ABTB2: variants seen among roughly 807,000 people sequenced by gnomAD.
The protein encoded by ABTB2 is ankyrin repeat and BTB/POZ domain-containing protein 2.
In ABTB2, 56 loss-of-function variants were observed where a neutral mutation model predicts 104.1. The observed-to-expected ratio is 0.54, with a 90% CI of 0.43 to 0.67. The LOEUF (loss-of-function observed/expected upper bound fraction) is 0.67, where lower values mean the gene tolerates loss of function less well. Ranked by LOEUF, ABTB2 falls within the 30% of genes least tolerant of loss-of-function variation. The pLI is 0.00. For synonymous variants in ABTB2, 606 were observed against 608.2 expected, an observed-to-expected ratio of 1.00 and a Z score of 0.05; for missense variants, 1,279 against 1,407.7, an observed-to-expected ratio of 0.91 and a Z score of 1.46.
chr11:34,230,241 C>T (rs771308983), intron 1 of ABTB2, among the ~76,000 whole-genome samples: 12 of 152,182 alleles, frequency 7.9e-5, no homozygotes, highest in Non-Finnish European at 1.5e-4. Flanking sequence ...TCCTTGCCTG[C>T]ACTAACATCC....
chr11:34,298,509 C>A (rs1854655559), intron 1 of ABTB2, among the ~76,000 whole-genome samples: 1 of 151,490 alleles, frequency 6.6e-6, no homozygotes, highest in African/African-American at 2.4e-5. Context: ...GTTGCCCAGG[C>A]TGGTGTGCAG....
chr11:34,301,945 C>T (rs1398356458), intron 1 of ABTB2, among the ~76,000 whole-genome samples: 1 of 152,174 alleles, frequency 6.6e-6, no homozygotes, highest in Non-Finnish European at 1.5e-5. Context: ...CAAGATGGTG[C>T]CACTGCACTC....
rs559303029 is a variant in ABTB2 at position 34,273,909 on chromosome 11, T to A, written c.884-69219A>T. On this transcript the variant is annotated intron_variant, in intron 1 of 16. Transcript: ENST00000435224. ...GGCTCACGCCTGTAATCCCAGCACT[T>A]TGGGAGGCCGAGGCGGGTGGATCAT... 2.6e-5 allele frequency among the ~76,000 whole-genome samples: 4 copies of A among 151,798 alleles called. No individual in the cohort carries two copies. In the East Asian group the frequency reaches 7.8e-4, roughly 29 times the overall value.
intron 1 of ABTB2, among the ~76,000 whole-genome samples, chr11:34,281,969 TA>T (rs1854453272): frequency 6.6e-6 from 1 of 152,206 alleles, no homozygotes; most frequent in African/African-American, 2.4e-5. Flanking sequence ...ATAAGTCCAT[TA>T]TATATGTCTT....
At chr11:34,257,212 A>T (rs1473416592) in intron 1 of ABTB2, among the ~76,000 whole-genome samples, 1 of 152,196 alleles carries the variant, frequency 6.6e-6, no homozygotes, top group African/African-American at 2.4e-5. Context: ...GTCCATTCAG[A>T]ACACCATGGT....
intron 1 of ABTB2, among the ~76,000 whole-genome samples, chr11:34,271,444 A>G (rs1262274380): frequency 2.0e-5 from 3 of 152,100 alleles, no homozygotes; most frequent in Non-Finnish European, 4.4e-5. Flanking sequence ...CATATGCTAA[A>G]TACATACAAC....
intron 1 of ABTB2, among the ~76,000 whole-genome samples, chr11:34,292,442 T>C (rs964226367): frequency 3.9e-5 from 6 of 152,160 alleles, no homozygotes; most frequent in South Asian, 4.1e-4. Context: ...TCACAGACCA[T>C]GTGAAGGCTG....
intron 14 of ABTB2, among the ~76,000 whole-genome samples, chr11:34,155,881 G>A (rs1852618598): frequency 6.6e-6 from 1 of 152,232 alleles, no homozygotes; most frequent in South Asian, 2.1e-4. Context: ...GTGTGCCTTG[G>A]GCAGGCCATG....
intron 1 of ABTB2, among the ~76,000 whole-genome samples, chr11:34,246,778 T>C (rs904105575): frequency 2.0e-5 from 3 of 151,850 alleles, no homozygotes; most frequent in African/African-American, 4.8e-5. Context: ...TTTCTTTGTA[T>C]TGAGCCTCAG....
intron 14 of ABTB2, among the ~76,000 whole-genome samples, chr11:34,156,964 C>G (rs1485618991): frequency 6.6e-6 from 1 of 152,192 alleles, no homozygotes; most frequent in African/African-American, 2.4e-5. Flanking sequence ...GTATGCCTCA[C>G]ACTGTATCCG....
chr11:34,244,837 G>A (rs1565150153), intron 1 of ABTB2, among the ~76,000 whole-genome samples: 1 of 152,010 alleles, frequency 6.6e-6, no homozygotes, highest in Admixed American at 6.6e-5. Flanking sequence ...GCAAAACCAC[G>A]TCTCTACCAA....
intron 8 of ABTB2, 79 bp downstream of exon 8, chr11:34,165,181 A>G: frequency 7.6e-7 from 1 of 1,318,988 alleles, no homozygotes; most frequent in Middle Eastern, 2.1e-4. Context: ...AGACCCCTGC[A>G]CGTCCAGCTA....
At chr11:34,279,369 G>T (rs1036841182) in intron 1 of ABTB2, among the ~76,000 whole-genome samples, 1 of 152,116 alleles carries the variant, frequency 6.6e-6, no homozygotes, top group Non-Finnish European at 1.5e-5. Flanking sequence ...CCAAAGTCCT[G>T]GGATTATAGG....
intron 7 of ABTB2, 70 bp from the exon 8 acceptor site, chr11:34,165,426 T>G (rs1852786252): frequency 3.7e-6 from 5 of 1,356,294 alleles, no homozygotes; most frequent in Non-Finnish European, 5.1e-6. Context: ...GCCAGGGTGC[T>G]TTCGGGGACA....
chr11:34,254,238 A>G (rs1590231321), intron 1 of ABTB2, among the ~76,000 whole-genome samples: 1 of 152,210 alleles, frequency 6.6e-6, no homozygotes, highest in Non-Finnish European at 1.5e-5. Context: ...ACACCGAGAA[A>G]TAAAGGGAAG....
intron 1 of ABTB2, among the ~76,000 whole-genome samples, chr11:34,275,902 A>G (rs1854376329): frequency 6.6e-6 from 1 of 152,252 alleles, no homozygotes; most frequent in South Asian, 2.1e-4. Context: ...GGAAGAGGTC[A>G]TGGCCCGAGA....
intron 1 of ABTB2, among the ~76,000 whole-genome samples, chr11:34,236,870 C>T (rs1853851087): frequency 1.3e-5 from 2 of 152,190 alleles, no homozygotes; most frequent in Non-Finnish European, 2.9e-5. Flanking sequence ...TCTGGGAACC[C>T]TCAGGGATTC....
chr11:34,300,210 T>G, intron 1 of ABTB2, among the ~76,000 whole-genome samples: 1 of 152,204 alleles, frequency 6.6e-6, no homozygotes, highest in Non-Finnish European at 1.5e-5. Context: ...GTCACACCCT[T>G]GCTTCACAAG....
At chr11:34,193,482 C>G (rs1314194709) in intron 3 of ABTB2, among the ~76,000 whole-genome samples, 2 of 152,236 alleles carry the variant, frequency 1.3e-5, no homozygotes, top group Non-Finnish European at 2.9e-5. Context: ...AAAGCCACAG[C>G]CTGGCACAGG....
Sources: allele counts gnomAD v4.1 joint callset (sites outside exome capture counted in the v4.1 genomes callset), GRCh38; gene constraint gnomAD v4.1.1; transcripts MANE v1.5; gene names NCBI Gene and HGNC (gene_info 2026-07-23, HGNC 2026-07-21).